SLC49A4: variants seen among roughly 807,000 people sequenced by gnomAD.
The protein encoded by SLC49A4 is disrupted in renal cancer protein 2.
In SLC49A4, 36 loss-of-function variants were observed where a neutral mutation model predicts 50.6. The observed-to-expected ratio is 0.71, with a 90% CI of 0.55 to 0.94. SLC49A4 has a LOEUF of 0.94. SLC49A4 is among the 40% of genes least tolerant of loss of function. The probability of loss-of-function intolerance (pLI) is 0.00; values close to 1 mark genes in which losing one functional copy is unlikely to be tolerated. For missense variants in SLC49A4, 503 were observed against 605.7 expected, an observed-to-expected ratio of 0.83 and a Z score of 1.78; for synonymous variants, 248 against 241.2, an observed-to-expected ratio of 1.03 and a Z score of -0.26.
chr3:122,809,697 T>C (rs1936273370), intron 2 of SLC49A4, among the ~76,000 whole-genome samples: 1 of 152,186 alleles, frequency 6.6e-6, no homozygotes. Flanking sequence ...CTCCATCTTG[T>C]TGGAGAAGGT....
chr3:122,865,995 A>G (rs548413433), intron 7 of SLC49A4, among the ~76,000 whole-genome samples: 8 of 152,114 alleles, frequency 5.3e-5, no homozygotes, highest in East Asian at 1.9e-4. Flanking sequence ...AAACAAATCT[A>G]TTATTCTTTT....
intron 1 of SLC49A4, among the ~76,000 whole-genome samples, chr3:122,805,133 C>A (rs1936196418): frequency 6.6e-6 from 1 of 152,010 alleles, no homozygotes; most frequent in Admixed American, 6.6e-5. Flanking sequence ...ATATTTATGA[C>A]CATGTATGTA....
intron 7 of SLC49A4, among the ~76,000 whole-genome samples, chr3:122,867,606 T>C (rs1050017007): frequency 1.3e-5 from 2 of 152,260 alleles, no homozygotes; most frequent in African/African-American, 4.8e-5. Context: ...CGTTAGATGT[T>C]GATAGAATAG....
At chr3:122,827,134 TG>T in intron 3 of SLC49A4, 69 bp downstream of exon 3, 1 of 1,509,524 alleles carries the variant, frequency 6.6e-7, no homozygotes, top group Non-Finnish European at 9.0e-7. Flanking sequence ...CTCTACTTTT[TG>T]TATAACAGAT....
intron 7 of SLC49A4, among the ~76,000 whole-genome samples, chr3:122,864,963 TG>T: frequency 6.6e-6 from 1 of 152,294 alleles, no homozygotes; most frequent in South Asian, 2.1e-4. Context: ...TAGTGAGCCA[TG>T]ACCACTGCAC....
rs144935967 is a variant in SLC49A4 at position 122,874,323 on chromosome 3, C to T, written c.1321+1726C>T. Among the ~76,000 whole-genome samples, 990 of 152,218 alleles carry T rather than the reference C, an allele frequency of 6.5e-3. 11 individuals are homozygous for T. The highest frequency in any genetic ancestry group is 0.02 in the South Asian group (98 of 4,822). ...GTGTCTGGAGTGAATTAAATGGAACCGACGTCAGTCAGTGCTCATTCCTCA... is the reference window on the plus strand; with the variant it reads ...GTGTCTGGAGTGAATTAAATGGAACTGACGTCAGTCAGTGCTCATTCCTCA... On this transcript the variant is annotated intron_variant, in intron 8 of 8. Coordinates refer to ENST00000261038, the MANE Select transcript of SLC49A4 (RefSeq NM_032839.3).
intron 3 of SLC49A4, among the ~76,000 whole-genome samples, chr3:122,828,523 GAGT>G (rs1936566662): frequency 6.6e-6 from 1 of 152,200 alleles, no homozygotes; most frequent in South Asian, 2.1e-4. Flanking sequence ...GATCTAGTGA[GAGT>G]ACTAGTAGGT....
At chr3:122,813,774 A>T (rs192486469) in intron 2 of SLC49A4, among the ~76,000 whole-genome samples, 3 of 152,348 alleles carry the variant, frequency 2.0e-5, no homozygotes, top group Non-Finnish European at 4.4e-5. Flanking sequence ...CATATAATTT[A>T]AAAAATCAGG....
At chr3:122,877,856 C>T (rs1937284945) in intron 8 of SLC49A4, among the ~76,000 whole-genome samples, 1 of 152,156 alleles carries the variant, frequency 6.6e-6, no homozygotes, top group African/African-American at 2.4e-5. Context: ...TCATAGATCA[C>T]ATCTTCTCTG....
intron 1 of SLC49A4, among the ~76,000 whole-genome samples, chr3:122,799,581 A>G (rs1302458113): frequency 3.9e-5 from 6 of 152,210 alleles, no homozygotes; most frequent in Non-Finnish European, 7.3e-5. Context: ...CATCTCAGCC[A>G]TTATCCAGTG....
At chr3:122,812,333 A>G (rs1480653221) in intron 2 of SLC49A4, among the ~76,000 whole-genome samples, 1 of 152,232 alleles carries the variant, frequency 6.6e-6, no homozygotes, top group Non-Finnish European at 1.5e-5. Flanking sequence ...TAGGAAAAGT[A>G]AAGAGAAGGA....
rs1259653530 is a variant in SLC49A4 at position 122,879,483 on chromosome 3, AACTT to A, written c.*106_*109del. 2.5e-6 allele frequency: 2 copies of A among 815,582 alleles called. No homozygotes were observed. Among genetic ancestry groups the A allele is most frequent in the Non-Finnish European group, 3.9e-6 (2 of 510,738 alleles). The allele number at this position is 815,582 out of a possible 1,614,324, so 50.5% of individuals were successfully genotyped here. A position where few individuals can be genotyped will look rare whatever the true frequency, so the allele number is the denominator to read the frequency against. On this transcript the variant is annotated 3_prime_UTR_variant, in exon 9 of 9. Coordinates refer to ENST00000261038, the MANE Select transcript of SLC49A4 (RefSeq NM_032839.3). ...AACAGGAAAAGAGGGAGAAGAAAGA[AACTT>A]CATTCAGAGGTTTTGTTAGGTTACA...
intron 8 of SLC49A4, among the ~76,000 whole-genome samples, chr3:122,874,681 G>GT (rs1408354688): frequency 6.6e-6 from 1 of 152,086 alleles, no homozygotes; most frequent in Non-Finnish European, 1.5e-5. Context: ...ATGAGGTTTG[G>GT]GACATGAATG....
intron 7 of SLC49A4, among the ~76,000 whole-genome samples, chr3:122,868,879 A>G (rs927471720): frequency 3.3e-5 from 5 of 152,238 alleles, no homozygotes; most frequent in African/African-American, 1.2e-4. Flanking sequence ...CTCTGAAGTT[A>G]TATCATCCGT....
chr3:122,836,950 T>G (rs528857869), intron 4 of SLC49A4, among the ~76,000 whole-genome samples: 15 of 152,212 alleles, frequency 9.9e-5, no homozygotes, highest in African/African-American at 3.6e-4. Flanking sequence ...ATGAGTGAAC[T>G]CCCATTCACA....
intron 2 of SLC49A4, among the ~76,000 whole-genome samples, chr3:122,811,272 A>G (rs1332372664): frequency 6.6e-6 from 1 of 152,246 alleles, no homozygotes; most frequent in Non-Finnish European, 1.5e-5. Flanking sequence ...GTTGAAATAT[A>G]AATGGCATGA....
At chr3:122,854,325 C>T (rs750363332) in intron 5 of SLC49A4, among the ~76,000 whole-genome samples, 3 of 152,202 alleles carry the variant, frequency 2.0e-5, no homozygotes, top group Non-Finnish European at 2.9e-5. Flanking sequence ...GTTACTGTAT[C>T]GCTTAGAATA....
chr3:122,842,222 C>A (rs1417452453), intron 4 of SLC49A4, among the ~76,000 whole-genome samples: 30 of 151,940 alleles, frequency 2.0e-4, no homozygotes. Context: ...CGCGGTGGCT[C>A]ACGCCTGTAA....
intron 8 of SLC49A4, among the ~76,000 whole-genome samples, chr3:122,873,927 C>T (rs1231705282): frequency 1.3e-5 from 2 of 152,236 alleles, no homozygotes; most frequent in Non-Finnish European, 2.9e-5. Context: ...CTGTGATCCC[C>T]CCTGGGATGG....
Sources: allele counts gnomAD v4.1 joint callset (sites outside exome capture counted in the v4.1 genomes callset), GRCh38; gene constraint gnomAD v4.1.1; transcripts MANE v1.5; gene names NCBI Gene and HGNC (gene_info 2026-07-23, HGNC 2026-07-21).